Variants in RASGRF2 observed in about 807,000 individuals in gnomAD.
RASGRF2 encodes the protein ras-specific guanine nucleotide-releasing factor 2.
Under a neutral mutation model 151.0 loss-of-function variants are expected in RASGRF2, and 76 were observed. The ratio of observed to expected loss-of-function variants is 0.50; its 90% CI spans 0.42 to 0.61. RASGRF2 has a LOEUF of 0.61. Ranked by LOEUF, RASGRF2 falls within the 20% of genes least tolerant of loss-of-function variation. RASGRF2 has a pLI of 0.00. For missense variants in RASGRF2, 1,148 were observed against 1,564.6 expected, an observed-to-expected ratio of 0.73 and a Z score of 4.49; for synonymous variants, 504 against 566.5, an observed-to-expected ratio of 0.89 and a Z score of 1.57.
At chr5:81,021,298 G>A (rs928875967) in intron 1 of RASGRF2, among the ~76,000 whole-genome samples, 7 of 152,004 alleles carry the variant, frequency 4.6e-5, no homozygotes, top group Non-Finnish European at 4.4e-5. Context: ...AATTGGAGGA[G>A]GGTCACAGAT....
At chr5:81,019,212 A>C (rs1419831819) in intron 1 of RASGRF2, among the ~76,000 whole-genome samples, 1 of 152,226 alleles carries the variant, frequency 6.6e-6, no homozygotes, top group Non-Finnish European at 1.5e-5. Context: ...GGACCACTCA[A>C]TAGCATTATT....
intron 17 of RASGRF2, among the ~76,000 whole-genome samples, chr5:81,157,100 T>C (rs1440077690): frequency 6.6e-6 from 1 of 152,144 alleles, no homozygotes; most frequent in Non-Finnish European, 1.5e-5. Flanking sequence ...GCGCGGTGGC[T>C]CACACTTGTA....
At position 81,166,817 on chromosome 5, in the gene RASGRF2, G is replaced by A. The variant is rs371773021; in HGVS notation, c.2687-13358G>A. On this transcript the variant is annotated intron_variant, in intron 17 of 26. Coordinates refer to ENST00000265080, the MANE Select transcript of RASGRF2 (RefSeq NM_006909.3). ...TGACCAAAAAGGACACTGAGAACCCGAGATGAGGGGATTTTTCTAAGGCCG... is the reference window on the plus strand; with the variant it reads ...TGACCAAAAAGGACACTGAGAACCCAAGATGAGGGGATTTTTCTAAGGCCG... Among the ~76,000 whole-genome samples, 51 of 152,224 alleles carry A rather than the reference G, an allele frequency of 3.4e-4. 2 individuals carry two copies. Among genetic ancestry groups the A allele is most frequent in the African/African-American group, 1.2e-3 (48 of 41,526 alleles).
chr5:81,015,823 T>C (rs1289492403), intron 1 of RASGRF2, among the ~76,000 whole-genome samples: 4 of 152,194 alleles, frequency 2.6e-5, no homozygotes, highest in Non-Finnish European at 2.9e-5. Flanking sequence ...AGTTAGCACT[T>C]AAAATGCAAA....
Position 80,960,915 on chromosome 5 carries a change from C to T in RASGRF2, c.177C>T (p.Ser59=). Residue 59 remains serine (S), a synonymous_variant, in exon 1 of 27, where the codon AGC becomes AGT. Coordinates refer to ENST00000265080, the MANE Select transcript of RASGRF2 (RefSeq NM_006909.3). The surrounding 1 kb of genome is among the most constrained non-coding windows in gnomAD (Gnocchi z 5.5). The part of the protein sequence containing the change: ...NVLFYFEGEQ[S]CRPAGMYLLE... ...TCTTCTACTTCGAGGGCGAGCAGAG[C>T]TGCCGCCCGGCGGGCATGTACCTCC... 3 of 1,603,008 alleles carry T rather than the reference C, an allele frequency of 1.9e-6. No individual in the cohort carries two copies. The highest frequency in any genetic ancestry group is 2.6e-6 in the Non-Finnish European group (3 of 1,172,320).
chr5:81,115,867 C>A (rs1314591602), intron 15 of RASGRF2, among the ~76,000 whole-genome samples: 1 of 151,954 alleles, frequency 6.6e-6, no homozygotes, highest in Non-Finnish European at 1.5e-5. Context: ...ACTATATGGG[C>A]AAGTGGTATA....
At chr5:81,221,805 C>A (rs1469340463) in intron 26 of RASGRF2, among the ~76,000 whole-genome samples, 2 of 152,172 alleles carry the variant, frequency 1.3e-5, no homozygotes, top group Admixed American at 6.5e-5. Flanking sequence ...GGTGAAACCC[C>A]ATCTCTACCA....
chr5:81,139,260 A>G (rs951324219), intron 17 of RASGRF2, among the ~76,000 whole-genome samples: 9 of 152,142 alleles, frequency 5.9e-5, no homozygotes, highest in Admixed American at 1.3e-4. Flanking sequence ...CAACTTTGCT[A>G]AATTCATTTA....
At chr5:81,121,729 T>C (rs766086918) in intron 15 of RASGRF2, among the ~76,000 whole-genome samples, 2 of 152,152 alleles carry the variant, frequency 1.3e-5, no homozygotes, top group Non-Finnish European at 2.9e-5. Flanking sequence ...AAAACACAAA[T>C]ATCAGCCAGA....
intron 2 of RASGRF2, among the ~76,000 whole-genome samples, chr5:81,060,468 C>T (rs1210897031): frequency 2.0e-5 from 3 of 151,990 alleles, no homozygotes; most frequent in African/African-American, 4.8e-5. Context: ...ACTTCCTGTT[C>T]TCCTCTTACC....
intron 17 of RASGRF2, among the ~76,000 whole-genome samples, chr5:81,145,440 C>G (rs1407279810): frequency 6.6e-6 from 1 of 152,168 alleles, no homozygotes; most frequent in Non-Finnish European, 1.5e-5. Flanking sequence ...TTCTACTTCT[C>G]CGTTCAAGAA....
intron 21 of RASGRF2, 21 bp downstream of exon 21, chr5:81,207,370 C>T: frequency 6.3e-7 from 1 of 1,595,062 alleles, no homozygotes; most frequent in Non-Finnish European, 8.6e-7. Flanking sequence ...CCCCCCACAG[C>T]AGCAGGGCTC....
At chr5:81,220,928 C>T (rs897680605) in intron 26 of RASGRF2, among the ~76,000 whole-genome samples, 2 of 151,992 alleles carry the variant, frequency 1.3e-5, no homozygotes, top group African/African-American at 4.8e-5. Flanking sequence ...TTAGACTTTC[C>T]TTAATTTGGG....
In RASGRF2 at chr5:81,112,921, C is replaced by A. The variant is rs966475181; in HGVS notation, c.2087+63C>A. 3 of 1,597,784 alleles carry A rather than the reference C, an allele frequency of 1.9e-6. No homozygotes were observed. The Admixed American group carries it at 5.1e-5, about 27-fold the overall frequency. On this transcript the variant is annotated intron_variant, in intron 14 of 26. Coordinates refer to ENST00000265080, the MANE Select transcript of RASGRF2 (RefSeq NM_006909.3). Reference sequence around the variant, plus strand: ...ATGGCCCTCTTCGTTCCGGAGTCACCATGAGGATGAGCAGGCCAGCTCTGC... The same window carrying A: ...ATGGCCCTCTTCGTTCCGGAGTCACAATGAGGATGAGCAGGCCAGCTCTGC...
At chr5:81,075,413 C>A (rs929871185) in intron 5 of RASGRF2, among the ~76,000 whole-genome samples, 8 of 152,122 alleles carry the variant, frequency 5.3e-5, no homozygotes, top group African/African-American at 1.9e-4. Flanking sequence ...CAAGAGCGGG[C>A]TAGGTGTGGA....
intron 19 of RASGRF2, among the ~76,000 whole-genome samples, chr5:81,206,446 G>A (rs753336509): frequency 3.3e-5 from 5 of 152,130 alleles, no homozygotes; most frequent in Admixed American, 6.5e-5. Context: ...GAAAGCCCAC[G>A]GTAGGGGATA....
At chr5:81,001,936 A>G (rs1425611919) in intron 1 of RASGRF2, among the ~76,000 whole-genome samples, 2 of 152,144 alleles carry the variant, frequency 1.3e-5, no homozygotes, top group African/African-American at 2.4e-5. Flanking sequence ...TCTATGTCCT[A>G]TTGAGGGGTA....
chr5:81,036,751 G>A (rs4346757), intron 1 of RASGRF2, among the ~76,000 whole-genome samples: 17,130 of 151,914 alleles, frequency 0.11, 1,242 homozygotes, highest in Non-Finnish European at 0.16. Flanking sequence ...TGGATCTTCT[G>A]TACAGCTGTC....
intron 1 of RASGRF2, among the ~76,000 whole-genome samples, chr5:81,031,206 C>T (rs1384104831): frequency 1.3e-5 from 2 of 152,174 alleles, no homozygotes; most frequent in African/African-American, 4.8e-5. Flanking sequence ...TAATGGGAGA[C>T]TTTAACACCC....
Sources: allele counts gnomAD v4.1 joint callset (sites outside exome capture counted in the v4.1 genomes callset), GRCh38; gene constraint gnomAD v4.1.1; non-coding constraint Gnocchi (gnomAD v3.1); transcripts MANE v1.5; gene names NCBI Gene and HGNC (gene_info 2026-07-23, HGNC 2026-07-21).